GOLGA8B: variants seen among roughly 807,000 people sequenced by gnomAD.
GOLGA8B encodes golgin A8 family member B, also known as golgin subfamily A member 8B.
In GOLGA8B, 1 loss-of-function variant was observed where a neutral mutation model predicts 15.6. The ratio of observed to expected loss-of-function variants is 0.06; its 90% CI spans 0.02 to 0.30. The LOEUF (loss-of-function observed/expected upper bound fraction) is 0.30, where lower values mean the gene tolerates loss of function less well. Among genes scored for constraint, GOLGA8B ranks in the 10% least tolerant of loss-of-function variants. The probability of loss-of-function intolerance (pLI) is 1.00; values close to 1 mark genes in which losing one functional copy is unlikely to be tolerated. For synonymous variants in GOLGA8B, 9 were observed against 80.3 expected, an observed-to-expected ratio of 0.11 and a Z score of 4.75; for missense variants, 17 against 201.3, an observed-to-expected ratio of 0.08 and a Z score of 5.54.
At chr15:34,574,603 C>T (rs1801879370) in intron 1 of GOLGA8B, among the ~76,000 whole-genome samples, 2 of 152,248 alleles carry the variant, frequency 1.3e-5, no homozygotes, top group South Asian at 4.2e-4. Flanking sequence ...CGTGCCCAGC[C>T]TTCAAATCAG....
chr15:34,572,853 A>G (rs1412891865), intron 1 of GOLGA8B, among the ~76,000 whole-genome samples: 3 of 152,216 alleles, frequency 2.0e-5, no homozygotes, highest in Non-Finnish European at 4.4e-5. Context: ...ACCCCCGTTG[A>G]TGGAGCCAGG....
chr15:34,560,924 T>G lies in GOLGA8B; in HGVS notation c.-1122-6968A>C, dbSNP rs1296059234. Among the ~76,000 whole-genome samples the G allele has an allele frequency of 1.5e-5, 2 of 132,878 alleles. 1 individual carries two copies. The highest frequency in any genetic ancestry group is 1.8e-4 in the Admixed American group (2 of 11,310). 87.2% of individuals were successfully genotyped at this position (132,878 alleles called of 152,430 possible). A position where few individuals can be genotyped will look rare whatever the true frequency, so the allele number is the denominator to read the frequency against. On this transcript the variant is annotated intron_variant, in intron 1 of 23. Transcript: ENST00000683415. Reference sequence around the variant, plus strand: ...CCCTAAGCAATGGTATTAGAAAGGGTTGGTGAAGATTTTCTCATTTGAGAA... The same window carrying G: ...CCCTAAGCAATGGTATTAGAAAGGGGTGGTGAAGATTTTCTCATTTGAGAA...
rs1166715566 is a variant in GOLGA8B, at chr15:34,525,223, A to C, written c.*2409T>G. The C allele has an allele frequency of 2.0e-5, 3 of 149,886 alleles. 1 individual carries two copies. The highest frequency in any genetic ancestry group is 3.0e-5 in the Non-Finnish European group (2 of 67,328). 9.3% of individuals were successfully genotyped at this position (149,886 alleles called of 1,614,324 possible). On this transcript the variant is annotated 3_prime_UTR_variant, in exon 24 of 24. Coordinates refer to ENST00000683415, the MANE Select transcript of GOLGA8B (RefSeq NM_001023567.5). ...TGCCCAGTATTTGCACAGTATCAAT[A>C]CCTTTAATACTATAATTTTCAAGAT... is the stretch of plus-strand genomic sequence containing the variant.
intron 1 of GOLGA8B, among the ~76,000 whole-genome samples, chr15:34,580,876 A>G (rs971049041): frequency 2.6e-5 from 4 of 151,710 alleles, no homozygotes; most frequent in Non-Finnish European, 1.5e-5. Flanking sequence ...GCTACCTTAC[A>G]CCCTACCTGT....
In GOLGA8B at chr15:34,525,347, T is replaced by TA. The variant is rs923237671; in HGVS notation, c.*2284dup. 3 of 150,036 alleles carry TA rather than the reference T, an allele frequency of 2.0e-5. No homozygotes were observed. The highest frequency in any genetic ancestry group is 4.5e-5 in the Non-Finnish European group (3 of 67,280). The allele number at this position is 150,036 out of a possible 1,614,324, so 9.3% of individuals were successfully genotyped here. ...ACACCAGCAGTCAATAATGCCACTT[T>TA]AGGCAAAAGTCTTTCAGTATTTCTG... On this transcript the variant is annotated 3_prime_UTR_variant, in exon 24 of 24. Transcript: ENST00000683415.
Position 34,580,480 on chromosome 15 carries a change from C to G in GOLGA8B, c.-1123+3036G>C, listed in dbSNP as rs920344097. Among the ~76,000 whole-genome samples, 4 of 46,586 alleles carry G rather than the reference C, an allele frequency of 8.6e-5. No individual in the cohort carries two copies. The Admixed American group carries it at 9.2e-4, about 11-fold the overall frequency. The allele number at this position is 46,586 out of a possible 152,430, so 30.6% of individuals were successfully genotyped here. ...ACACAGCAATGGCACCCCACCAGTA[C>G]GCAGGGTTCCAGAGAGAGCCTGGCT... On this transcript the variant is annotated intron_variant, in intron 1 of 23. Coordinates refer to ENST00000683415, the MANE Select transcript of GOLGA8B (RefSeq NM_001023567.5).
intron 1 of GOLGA8B, among the ~76,000 whole-genome samples, chr15:34,580,596 C>T (rs1439969327): frequency 2.0e-5 from 3 of 152,168 alleles, no homozygotes; most frequent in Non-Finnish European, 2.9e-5. Flanking sequence ...AGGCGAGAAG[C>T]GACAGTGCCC....
At chr15:34,538,701 GTCTT>G (rs374310661) in intron 7 of GOLGA8B, among the ~76,000 whole-genome samples, 1,446 of 41,416 alleles carry the variant, frequency 0.035, 18 homozygotes, top group African/African-American at 0.11. Flanking sequence ...TTGCTAAAAT[GTCTT>G]TCTAAGTCCC....
At chr15:34,573,422 A>C (rs1409716429) in intron 1 of GOLGA8B, among the ~76,000 whole-genome samples, 2 of 151,588 alleles carry the variant, frequency 1.3e-5, no homozygotes, top group Non-Finnish European at 2.9e-5. Context: ...CTGTAGTCCC[A>C]GCTACTCGGG....
At chr15:34,554,363 C>T (rs573511846) in intron 1 of GOLGA8B, among the ~76,000 whole-genome samples, 12 of 152,314 alleles carry the variant, frequency 7.9e-5, no homozygotes, top group Admixed American at 5.2e-4. Context: ...TGCATACGTA[C>T]ATGCACCACA....
chr15:34,556,925 C>A (rs1888503751), intron 1 of GOLGA8B: 4 of 790,072 alleles, frequency 5.1e-6, no homozygotes, highest in Admixed American at 5.2e-5. Context: ...GTACTGGGTG[C>A]CTTACAGTTC....
rs1449692582 is a variant in GOLGA8B at position 34,525,235 on chromosome 15, A to G, written c.*2397T>C. On this transcript the variant is annotated 3_prime_UTR_variant, in exon 24 of 24. Transcript: ENST00000683415. The stretch of plus-strand genomic sequence containing the variant: ...GCACAGTATCAATACCTTTAATACT[A>G]TAATTTTCAAGATGCGCAAAATAAA... The G allele has an allele frequency of 1.3e-5, 2 of 149,986 alleles. No individual in the cohort carries two copies. Among genetic ancestry groups the G allele is most frequent in the South Asian group, 2.1e-4 (1 of 4,696 alleles). The allele number at this position is 149,986 out of a possible 1,614,324, so 9.3% of individuals were successfully genotyped here.
chr15:34,577,519 C>T (rs1435694669), intron 1 of GOLGA8B, among the ~76,000 whole-genome samples: 2 of 116,298 alleles, frequency 1.7e-5, no homozygotes, highest in Admixed American at 8.2e-5. Context: ...CACACACACA[C>T]ACACACACAC....
intron 1 of GOLGA8B, among the ~76,000 whole-genome samples, chr15:34,578,825 A>G (rs185793989): frequency 1.2e-4 from 19 of 152,230 alleles, no homozygotes; most frequent in Admixed American, 7.2e-4. Context: ...TCTCAACCAC[A>G]TATTTTTTTC....
chr15:34,577,000 C>T (rs1280350891), intron 1 of GOLGA8B, among the ~76,000 whole-genome samples: 2 of 150,092 alleles, frequency 1.3e-5, no homozygotes, highest in Admixed American at 1.3e-4. Flanking sequence ...CAGACCTCCA[C>T]GTGCCCTTCT....
chr15:34,575,094 T>C (rs1477090834), intron 1 of GOLGA8B, among the ~76,000 whole-genome samples: 1 of 133,182 alleles, frequency 7.5e-6, no homozygotes, highest in Non-Finnish European at 1.6e-5. Context: ...CTAGAAATCC[T>C]ATAAATCCTT....
At chr15:34,571,197 C>T (rs986937933) in intron 1 of GOLGA8B, among the ~76,000 whole-genome samples, 5 of 152,062 alleles carry the variant, frequency 3.3e-5, no homozygotes, top group Non-Finnish European at 5.9e-5. Context: ...GTGGTGGACC[C>T]TACTACTTGG....
At chr15:34,559,585 G>GGGGAGA (rs1555406138) in intron 1 of GOLGA8B, among the ~76,000 whole-genome samples, 8 of 68,742 alleles carry the variant, frequency 1.2e-4, no homozygotes, top group East Asian at 7.5e-4. Context: ...TGAGAATGGG[G>GGGGAGA]GAGAGAGAGA....
In GOLGA8B at chr15:34,526,136, A is replaced by C. The variant is rs1059887; in HGVS notation, c.*1496T>G. The C allele has an allele frequency of 6.7e-6, 1 of 149,510 alleles. No homozygotes were observed. The highest frequency in any genetic ancestry group is 6.8e-5 in the Admixed American group (1 of 14,722). The allele number at this position is 149,510 out of a possible 1,614,324, so 9.3% of individuals were successfully genotyped here. On this transcript the variant is annotated 3_prime_UTR_variant, in exon 24 of 24. Transcript: ENST00000683415. ...GACTGAAACTGAGAGGTACAAAAAC[A>C]TATTTCACTCTTCGTAAAGAAGTTT...
Sources: gnomAD v4.1 joint callset for allele counts (sites outside exome capture counted in the v4.1 genomes callset) on GRCh38, gnomAD v4.1.1 for gene constraint, MANE v1.5 for transcripts, NCBI Gene and HGNC (gene_info 2026-07-23, HGNC 2026-07-21) for gene names.